PDCD6IP: variants seen among roughly 807,000 people sequenced by gnomAD.
PDCD6IP encodes programmed cell death 6-interacting protein.
PDCD6IP carries 43 observed loss-of-function variants against 103.7 expected under a neutral mutation model. The ratio of observed to expected loss-of-function variants is 0.41; its 90% CI spans 0.32 to 0.53. The LOEUF (loss-of-function observed/expected upper bound fraction) is 0.53. Among genes scored for constraint, PDCD6IP ranks in the 20% least tolerant of loss-of-function variants. The probability of loss-of-function intolerance (pLI) is 0.16; values close to 1 mark genes in which losing one functional copy is unlikely to be tolerated. For synonymous variants in PDCD6IP, 354 were observed against 378.7 expected (o/e 0.93, Z 0.76); for missense variants, 871 against 1,036.7 (o/e 0.84, Z 2.20).
intron 3 of PDCD6IP, among the ~76,000 whole-genome samples, chr3:33,819,103 T>C (rs1696929319): frequency 6.6e-6 from 1 of 152,116 alleles, no homozygotes; most frequent in Admixed American, 6.5e-5. Context: ...TTTGGAATAC[T>C]TTATTAGATG....
At chr3:33,808,329 A>G (rs1040344086) in intron 1 of PDCD6IP, among the ~76,000 whole-genome samples, 2 of 152,198 alleles carry the variant, frequency 1.3e-5, no homozygotes, top group African/African-American at 4.8e-5. Flanking sequence ...CCTGGAGTAC[A>G]GTGGTGGGAT....
intron 1 of PDCD6IP, among the ~76,000 whole-genome samples, chr3:33,802,387 G>T (rs1416464400): frequency 6.6e-6 from 1 of 152,116 alleles, no homozygotes; most frequent in Non-Finnish European, 1.5e-5. Flanking sequence ...TAAGGAATAG[G>T]ATAGACTGAT....
chr3:33,857,605 A>G (rs1225715426), intron 15 of PDCD6IP, among the ~76,000 whole-genome samples: 1 of 152,186 alleles, frequency 6.6e-6, no homozygotes, highest in Non-Finnish European at 1.5e-5. Context: ...CCAGGACGTT[A>G]AAAAATAATT....
intron 4 of PDCD6IP, among the ~76,000 whole-genome samples, chr3:33,822,681 A>G (rs1228650585): frequency 2.6e-5 from 4 of 151,870 alleles, no homozygotes; most frequent in Non-Finnish European, 5.9e-5. Flanking sequence ...TTTGAGACGG[A>G]GTCTTGTTCT....
At chr3:33,841,433 C>CTTTTTTTTTTTTTT (rs1301369045) in intron 9 of PDCD6IP, among the ~76,000 whole-genome samples, 2 of 60,946 alleles carry the variant, frequency 3.3e-5, no homozygotes, top group African/African-American at 7.3e-5. Flanking sequence ...CTTTGCTTTG[C>CTTTTTTTTTTTTTT]TTTTTTTTTT....
intron 10 of PDCD6IP, 145 bp downstream of exon 10, chr3:33,842,219 CTCT>C (rs974918146): frequency 7.5e-6 from 4 of 532,952 alleles, no homozygotes; most frequent in Non-Finnish European, 1.4e-5. Flanking sequence ...CCAGAGCCTT[CTCT>C]TTAGCATAAG....
chr3:33,835,663 A>G (rs1390760318), intron 7 of PDCD6IP, among the ~76,000 whole-genome samples: 1 of 152,100 alleles, frequency 6.6e-6, no homozygotes, highest in African/African-American at 2.4e-5. Context: ...GGTCACAGTG[A>G]GCCGAGATCG....
At chr3:33,829,250 T>C (rs905826346) in intron 7 of PDCD6IP, among the ~76,000 whole-genome samples, 3 of 152,224 alleles carry the variant, frequency 2.0e-5, no homozygotes, top group African/African-American at 7.2e-5. Context: ...AGATTGTTTT[T>C]GTCTTTAGAC....
intron 12 of PDCD6IP, among the ~76,000 whole-genome samples, chr3:33,848,444 A>T (rs1697643136): frequency 1.4e-5 from 2 of 143,480 alleles, no homozygotes; most frequent in South Asian, 2.4e-4. Flanking sequence ...TTGCTCTGTC[A>T]CCCAGGCTGG....
In PDCD6IP at chr3:33,829,691, G is replaced by A. The variant is rs557474496; in HGVS notation, c.834+722G>A. Among the ~76,000 whole-genome samples, 218 of 152,134 alleles carry A rather than the reference G, an allele frequency of 1.4e-3. 1 individual carries two copies. The highest frequency in any genetic ancestry group is 4.9e-3 in the African/African-American group (203 of 41,504). On this transcript the variant is annotated intron_variant, in intron 7 of 17. Coordinates refer to ENST00000307296, the MANE Select transcript of PDCD6IP (RefSeq NM_013374.6). ...GACAGAGGATAGAAAGATGACTTAT[G>A]GCATTTGAGTTAGGGAAGTTTAAAT...
At chr3:33,825,119 T>C in intron 4 of PDCD6IP, 68 bp from the exon 5 acceptor site, 7 of 1,357,908 alleles carry the variant, frequency 5.2e-6, no homozygotes, top group Non-Finnish European at 7.2e-6. Flanking sequence ...GAAATGACTT[T>C]TATATGTAAC....
At position 33,866,347 on chromosome 3, in the gene PDCD6IP, T is replaced by C; in HGVS notation, c.2433-4T>C. On this transcript the variant is annotated splice_region_variant and splice_polypyrimidine_tract_variant and intron_variant, in intron 17 of 17. Coordinates refer to ENST00000307296, the MANE Select transcript of PDCD6IP (RefSeq NM_013374.6). Reference sequence around the variant, plus strand: ...ATCAAGATTTTTCTGTTTTCTTCTATCAGGTATTGCCAAATGCCCATGCCC... The same window carrying C: ...ATCAAGATTTTTCTGTTTTCTTCTACCAGGTATTGCCAAATGCCCATGCCC... 7.0e-7 allele frequency: 1 copy of C among 1,421,398 alleles called. No individual in the cohort carries two copies. The highest frequency in any genetic ancestry group is 9.4e-7 in the Non-Finnish European group (1 of 1,059,946). The allele number at this position is 1,421,398 out of a possible 1,614,324, so 88.0% of individuals were successfully genotyped here. A position where few individuals can be genotyped will look rare whatever the true frequency, so the allele number is the denominator to read the frequency against.
At chr3:33,863,004 A>G (rs1001445468) in intron 15 of PDCD6IP, among the ~76,000 whole-genome samples, 2 of 152,220 alleles carry the variant, frequency 1.3e-5, no homozygotes, top group Non-Finnish European at 2.9e-5. Flanking sequence ...ATTAAACAAT[A>G]GGAAGAAAGA....
chr3:33,857,348 T>G (rs1409598964), intron 15 of PDCD6IP, among the ~76,000 whole-genome samples: 1 of 152,080 alleles, frequency 6.6e-6, no homozygotes, highest in Non-Finnish European at 1.5e-5. Flanking sequence ...GCCTGGCTAA[T>G]TTTTGTATTT....
At chr3:33,841,020 T>C (rs1024882237) in intron 9 of PDCD6IP, among the ~76,000 whole-genome samples, 1 of 148,246 alleles carries the variant, frequency 6.7e-6, no homozygotes. Context: ...TTTTCTTATT[T>C]TTTGACTTTT....
At chr3:33,804,725 C>T (rs755300869) in intron 1 of PDCD6IP, among the ~76,000 whole-genome samples, 1 of 152,228 alleles carries the variant, frequency 6.6e-6, no homozygotes, top group Non-Finnish European at 1.5e-5. Context: ...ATCTTTATGG[C>T]AGAACTGGAC....
At chr3:33,825,597 GTA>G (rs1290967022) in intron 5 of PDCD6IP, among the ~76,000 whole-genome samples, 39 of 152,166 alleles carry the variant, frequency 2.6e-4, no homozygotes, top group Admixed American at 1.3e-4. Context: ...TAGTATTTAT[GTA>G]TGTTTTTAAC....
intron 3 of PDCD6IP, among the ~76,000 whole-genome samples, chr3:33,820,870 A>G (rs930644061): frequency 1.3e-5 from 2 of 152,196 alleles, no homozygotes; most frequent in Non-Finnish European, 2.9e-5. Flanking sequence ...GGGCATACGT[A>G]TATCTCTTTG....
chr3:33,825,059 T>A, intron 4 of PDCD6IP, 128 bp from the exon 5 acceptor site: 1 of 779,654 alleles, frequency 1.3e-6, no homozygotes. Flanking sequence ...AGATTGGTTT[T>A]GCATAATATA....
Sources: allele counts gnomAD v4.1 joint callset (sites outside exome capture counted in the v4.1 genomes callset), GRCh38; gene constraint gnomAD v4.1.1; transcripts MANE v1.5; gene names NCBI Gene and HGNC (gene_info 2026-07-23, HGNC 2026-07-21).